The following SFXN1 variants were observed in gnomAD, a reference collection of about 807,000 sequenced individuals.
SFXN1 encodes sideroflexin-1.
A neutral mutation model predicts 39.5 loss-of-function variants in SFXN1; 32 were observed. That is an observed-to-expected ratio of 0.81 (90% CI 0.61 to 1.09). The LOEUF (loss-of-function observed/expected upper bound fraction) is 1.09. SFXN1 is among the 50% of genes least tolerant of loss of function. SFXN1 has a pLI of 0.00. For missense variants in SFXN1, 402 were observed against 407.1 expected (o/e 0.99, Z 0.11); for synonymous variants, 136 against 146.5 (o/e 0.93, Z 0.52).
At position 175,502,656 on chromosome 5, in the gene SFXN1, A is replaced by G. The variant is rs200821810; in HGVS notation, c.165-6376A>G. Among the ~76,000 whole-genome samples, 370 of 152,134 alleles carry G rather than the reference A, an allele frequency of 2.4e-3. 1 individual carries two copies. Among genetic ancestry groups the G allele is most frequent in the East Asian group, 0.015 (80 of 5,164 alleles). ...GGAGTTCAAGACCAGCCTGGACAAC[A>G]TGGAGAAACCATGTCTCTACTAAAA... On this transcript the variant is annotated intron_variant, in intron 2 of 10. Transcript: ENST00000321442.
chr5:175,517,595 C>G (rs1249740655), intron 8 of SFXN1, among the ~76,000 whole-genome samples: 4 of 152,108 alleles, frequency 2.6e-5, no homozygotes, highest in Non-Finnish European at 4.4e-5. Flanking sequence ...ACATACCTAC[C>G]ACTCCCCAAG....
At chr5:175,492,567 C>T (rs1759699214) in intron 2 of SFXN1, 2 of 234,366 alleles carry the variant, frequency 8.5e-6, no homozygotes, top group Admixed American at 1.1e-4. Flanking sequence ...ACCACCACCT[C>T]CACTACGACA....
chr5:175,514,952 T>C (rs1760668788), intron 7 of SFXN1, among the ~76,000 whole-genome samples: 1 of 152,238 alleles, frequency 6.6e-6, no homozygotes, highest in Non-Finnish European at 1.5e-5. Flanking sequence ...TACTGAGCCC[T>C]GATTTCCAGA....
At chr5:175,524,791 AAAAG>A (rs1488421224) in intron 10 of SFXN1, among the ~76,000 whole-genome samples, 4 of 152,188 alleles carry the variant, frequency 2.6e-5, no homozygotes, top group Non-Finnish European at 5.9e-5. Flanking sequence ...AATCAAAACA[AAAAG>A]AGAAAGAGAA....
At chr5:175,498,972 C>T (rs923861966) in intron 2 of SFXN1, among the ~76,000 whole-genome samples, 2 of 152,098 alleles carry the variant, frequency 1.3e-5, no homozygotes, top group East Asian at 3.9e-4. Flanking sequence ...AATATCAAAC[C>T]AGCCAGGCGC....
chr5:175,512,254 A>G lies in SFXN1; in HGVS notation c.596+58A>G, dbSNP rs545302184. Reference sequence around the variant, plus strand: ...GTGCTTGACAGGAGAGTCTCTTGTAATAATTAGCTTTGTTGAAACTTTCAA... The same window carrying G: ...GTGCTTGACAGGAGAGTCTCTTGTAGTAATTAGCTTTGTTGAAACTTTCAA... On this transcript the variant is annotated intron_variant, in intron 6 of 10. Coordinates refer to ENST00000321442, the MANE Select transcript of SFXN1 (RefSeq NM_022754.7). The G allele has an allele frequency of 8.3e-6, 12 of 1,453,288 alleles. No homozygotes were observed. In the African/African-American group the frequency reaches 1.7e-4, roughly 20 times the overall value. 90.0% of individuals were successfully genotyped at this position (1,453,288 alleles called of 1,614,324 possible).
chr5:175,481,541 C>T lies in SFXN1; in HGVS notation c.-10+2902C>T, dbSNP rs572386725. 6.6e-5 allele frequency among the ~76,000 whole-genome samples: 10 copies of T among 152,304 alleles called. No homozygotes were observed. In the East Asian group the frequency reaches 1.9e-3, roughly 29 times the overall value. ...ACGTTAGCCAGGATGGTCTCGATCT[C>T]CTGACCTCATGATCCGCCCACCTCA... On this transcript the variant is annotated intron_variant, in intron 1 of 10. Transcript: ENST00000321442.
At position 175,512,300 on chromosome 5, in the gene SFXN1, AG is replaced by A. The variant is rs1225070863; in HGVS notation, c.596+106del. 5.2e-6 allele frequency: 5 copies of A among 970,706 alleles called. No homozygotes were observed. In the East Asian group the frequency reaches 1.3e-4, roughly 25 times the overall value. The allele number at this position is 970,706 out of a possible 1,614,324, so 60.1% of individuals were successfully genotyped here. On this transcript the variant is annotated intron_variant, in intron 6 of 10. Coordinates refer to ENST00000321442, the MANE Select transcript of SFXN1 (RefSeq NM_022754.7). The stretch of plus-strand genomic sequence containing the variant: ...TTCAAATGCTTGTTTTAATATGTAT[AG>A]GTGAAATTATATGAGATCTTGGATT...
intron 2 of SFXN1, among the ~76,000 whole-genome samples, chr5:175,496,981 C>T (rs749550314): frequency 6.6e-6 from 1 of 152,020 alleles, no homozygotes; most frequent in Non-Finnish European, 1.5e-5. Context: ...CTCTGCCTCC[C>T]GGGTTCAAGC....
chr5:175,484,271 G>GC (rs1759365393), intron 1 of SFXN1: 1 of 152,234 alleles, frequency 6.6e-6, no homozygotes, highest in Admixed American at 6.5e-5. Context: ...TTCCAGACAA[G>GC]CCCAGGGGCC....
rs534094915 is a variant in SFXN1 at position 175,527,713 on chromosome 5, G to A, written c.*979G>A. 2.0e-5 allele frequency: 3 copies of A among 151,914 alleles called. No individual in the cohort carries two copies. Among genetic ancestry groups the A allele is most frequent in the Admixed American group, 2.0e-4 (3 of 15,244 alleles). 9.4% of individuals were successfully genotyped at this position (151,914 alleles called of 1,614,324 possible). A position where few individuals can be genotyped will look rare whatever the true frequency, so the allele number is the denominator to read the frequency against. ...GAATCAGTCACAATGAATTTTACTTGAATATTGTATGTTGCATTCCACTTC... is the reference window on the plus strand; with the variant it reads ...GAATCAGTCACAATGAATTTTACTTAAATATTGTATGTTGCATTCCACTTC... On this transcript the variant is annotated 3_prime_UTR_variant, in exon 11 of 11. Coordinates refer to ENST00000321442, the MANE Select transcript of SFXN1 (RefSeq NM_022754.7).
chr5:175,507,167 C>T (rs1581301608), intron 2 of SFXN1, among the ~76,000 whole-genome samples: 1 of 152,188 alleles, frequency 6.6e-6, no homozygotes, highest in East Asian at 1.9e-4. Context: ...CTGCCTCCTT[C>T]ATTACTTGGC....
At chr5:175,518,873 A>G (rs1446453757) in intron 8 of SFXN1, among the ~76,000 whole-genome samples, 3 of 152,260 alleles carry the variant, frequency 2.0e-5, no homozygotes, top group Non-Finnish European at 2.9e-5. Flanking sequence ...AGCACAGTCC[A>G]TAAAAGAAAA....
chr5:175,509,718 G>A (rs1361439102), intron 3 of SFXN1, among the ~76,000 whole-genome samples: 1 of 151,468 alleles, frequency 6.6e-6, no homozygotes, highest in Non-Finnish European at 1.5e-5. Context: ...CACATTAAAG[G>A]TGTATGTGTA....
At position 175,513,318 on chromosome 5, in the gene SFXN1, A is replaced by C. The variant is rs956305952; in HGVS notation, c.597-145A>C. ...CTGTAAAAAAAAAAAAAAAAAAAAA[A>C]AAAAAACAGATGTGTCAGTACCAAA... On this transcript the variant is annotated intron_variant, in intron 6 of 10. Transcript: ENST00000321442. 2.7e-5 allele frequency: 20 copies of C among 752,068 alleles called. No individual in the cohort carries two copies. In the East Asian group the frequency reaches 5.2e-4, roughly 19 times the overall value. The allele number at this position is 752,068 out of a possible 1,614,324, so 46.6% of individuals were successfully genotyped here. A position where few individuals can be genotyped will look rare whatever the true frequency, so the allele number is the denominator to read the frequency against.
intron 1 of SFXN1, among the ~76,000 whole-genome samples, chr5:175,486,127 G>C (rs1410418590): frequency 6.6e-6 from 1 of 152,030 alleles, no homozygotes; most frequent in Non-Finnish European, 1.5e-5. Context: ...GTAACCTTAA[G>C]GTTATTGTAG....
At chr5:175,486,605 T>A (rs1042114916) in intron 1 of SFXN1, among the ~76,000 whole-genome samples, 1 of 151,636 alleles carries the variant, frequency 6.6e-6, no homozygotes, top group African/African-American at 2.4e-5. Context: ...CTACAACCAG[T>A]ACAAAAATTT....
chr5:175,514,948 G>A (rs113699803), intron 7 of SFXN1, among the ~76,000 whole-genome samples: 2 of 152,294 alleles, frequency 1.3e-5, no homozygotes, highest in African/African-American at 4.8e-5. Context: ...TTCCTACTGA[G>A]CCCTGATTTC....
At chr5:175,504,513 T>A (rs1760213594) in intron 2 of SFXN1, among the ~76,000 whole-genome samples, 1 of 150,252 alleles carries the variant, frequency 6.7e-6, no homozygotes, top group African/African-American at 2.5e-5. Context: ...AGGTGAAGGT[T>A]GCAGTGAGCC....
Sources: allele counts gnomAD v4.1 joint callset (sites outside exome capture counted in the v4.1 genomes callset), GRCh38; gene constraint gnomAD v4.1.1; transcripts MANE v1.5; gene names NCBI Gene and HGNC (gene_info 2026-07-23, HGNC 2026-07-21).